The following MMD2 variants were observed in gnomAD, a reference collection of about 807,000 sequenced individuals.
The protein encoded by MMD2 is monocyte to macrophage differentiation factor 2.
Under a neutral mutation model 33.5 loss-of-function variants are expected in MMD2, and 30 were observed. That is an observed-to-expected ratio of 0.90 (90% CI 0.67 to 1.22). The LOEUF (loss-of-function observed/expected upper bound fraction) is 1.22, where lower values mean the gene tolerates loss of function less well. Ranked by LOEUF, MMD2 falls within the 50% of genes most tolerant of loss-of-function variation. The probability of loss-of-function intolerance (pLI) is 0.00; values close to 1 mark genes in which losing one functional copy is unlikely to be tolerated. For missense variants in MMD2, 364 were observed against 325.4 expected (o/e 1.12, Z -0.91); for synonymous variants, 129 against 123.0 (o/e 1.05, Z -0.32).
chr7:4,938,105 G>A (rs6952146), intron 1 of MMD2, among the ~76,000 whole-genome samples: 41,683 of 139,048 alleles, frequency 0.3, 6,018 homozygotes, highest in Admixed American at 0.4. Flanking sequence ...TCCACCTCCC[G>A]GTTCAAGAGA....
chr7:4,919,163 G>C (rs2115101772), intron 3 of MMD2, among the ~76,000 whole-genome samples: 2 of 152,220 alleles, frequency 1.3e-5, no homozygotes, highest in Middle Eastern at 6.8e-3. Flanking sequence ...AGAATTATTA[G>C]AAAGATTAGG....
chr7:4,920,251 C>A lies in MMD2; in HGVS notation c.210G>T (p.Trp70Cys). The change falls in exon 3 of 7, where the codon TGG becomes TGT. Residue 70 changes from tryptophan (W) to cysteine (C), a missense_variant. Physicochemically the swap from Trp to Cys is radical, Grantham distance 215 (BLOSUM62 -2). Transcript: ENST00000401401. ...SDDDWETISA[W>C]IYGLGLCGLF... ...GGCCGCAGAGGCCGAGGCCGTAGAT[C>A]CAGGCAGAGATGGTCTCCCAGTCAT... 6.2e-7 allele frequency: 1 copy of A among 1,601,820 alleles called. No individual in the cohort carries two copies. The highest frequency in any genetic ancestry group is 8.5e-7 in the Non-Finnish European group (1 of 1,174,784).
intron 1 of MMD2, among the ~76,000 whole-genome samples, chr7:4,950,079 T>TTG (rs60203634): frequency 0.029 from 4,407 of 150,064 alleles, 74 homozygotes; most frequent in Non-Finnish European, 0.042. Flanking sequence ...TCACCTTCTT[T>TTG]TGTGTGTGTG....
the MMD2 span, among the ~76,000 whole-genome samples, chr7:4,897,774 A>G: frequency 4.0e-5 from 6 of 151,592 alleles, no homozygotes; most frequent in African/African-American, 1.5e-4. Flanking sequence ...GTCTCACTCT[A>G]TCACCCAGGC....
the MMD2 span, among the ~76,000 whole-genome samples, chr7:4,900,393 G>C: frequency 6.6e-6 from 1 of 152,106 alleles, no homozygotes; most frequent in Non-Finnish European, 1.5e-5. Flanking sequence ...AAAAGGGATG[G>C]TGTGCAGAGA....
intron 2 of MMD2, among the ~76,000 whole-genome samples, chr7:4,924,413 G>T (rs1423721132): frequency 1.3e-5 from 2 of 152,254 alleles, no homozygotes; most frequent in African/African-American, 4.8e-5. Flanking sequence ...CGCTATCTGG[G>T]CACTTCCCTG....
chr7:4,909,904 G>A lies in MMD2; in HGVS notation c.514C>T (p.Pro172Ser). ...LLCYVVMGFF[P>S]ALVILSMPNT... Reference sequence around the variant, plus strand: ...ACCATGGAGAGGATGACCAGGGCGGGGAAGAAGCCCATTACGACGTAGCAG... The same window carrying A: ...ACCATGGAGAGGATGACCAGGGCGGAGAAGAAGCCCATTACGACGTAGCAG... Residue 172 changes from proline (P) to serine (S), a missense_variant, in exon 6 of 7, where the codon CCC becomes TCC. Transcript: ENST00000401401. The A allele has an allele frequency of 6.2e-7, 1 of 1,613,840 alleles. No homozygotes were observed. The highest frequency in any genetic ancestry group is 1.1e-5 in the South Asian group (1 of 91,052).
chr7:4,919,669 T>C (rs1359422264), intron 3 of MMD2, among the ~76,000 whole-genome samples: 1 of 151,926 alleles, frequency 6.6e-6, no homozygotes, highest in Admixed American at 6.6e-5. Flanking sequence ...GTGGACCATC[T>C]GAGGTCAGGA....
intron 1 of MMD2, among the ~76,000 whole-genome samples, chr7:4,956,519 C>T (rs1391244954): frequency 2.6e-5 from 4 of 152,024 alleles, no homozygotes; most frequent in Non-Finnish European, 5.9e-5. Context: ...AGGAAGGGAA[C>T]AGAAATAGAA....
At chr7:4,908,721 A>AC (rs1395753687) in intron 6 of MMD2, among the ~76,000 whole-genome samples, 1 of 151,414 alleles carries the variant, frequency 6.6e-6, no homozygotes, top group African/African-American at 2.4e-5. Flanking sequence ...ACATAGTGAA[A>AC]CCCCATCTCT....
At chr7:4,899,646 T>A in the MMD2 span, among the ~76,000 whole-genome samples, 2 of 152,176 alleles carry the variant, frequency 1.3e-5, no homozygotes, top group Non-Finnish European at 2.9e-5. Context: ...TCCACCTACC[T>A]CTGTCTCCCA....
chr7:4,902,096 G>A (rs536103268), downstream of MMD2, among the ~76,000 whole-genome samples: 3 of 152,190 alleles, frequency 2.0e-5, no homozygotes, highest in South Asian at 4.1e-4. Flanking sequence ...GATTACAGGC[G>A]TGTGCCACCA....
downstream of MMD2, among the ~76,000 whole-genome samples, chr7:4,902,790 C>T (rs1784811615): frequency 6.6e-6 from 1 of 152,226 alleles, no homozygotes; most frequent in African/African-American, 2.4e-5. Context: ...AACCCTTTGA[C>T]CTCTACCTGC....
chr7:4,916,087 G>A lies in MMD2; in HGVS notation c.291-8C>T, dbSNP rs570587965. 83 of 1,613,282 alleles carry A rather than the reference G, an allele frequency of 5.1e-5. No individual in the cohort carries two copies. The African/African-American group carries it at 5.3e-4, about 10-fold the overall frequency. ...AGACAGTGTTCCACCATCCTAGGGC[G>A]GCAGAGAAGCCGGCAGTCACAGCCC... is the stretch of plus-strand genomic sequence containing the variant. On this transcript the variant is annotated splice_polypyrimidine_tract_variant and splice_region_variant and intron_variant, in intron 3 of 6. Coordinates refer to ENST00000401401, the MANE Select transcript of MMD2 (RefSeq NM_198403.4).
chr7:4,902,421 C>T (rs560235486), downstream of MMD2, among the ~76,000 whole-genome samples: 1 of 152,300 alleles, frequency 6.6e-6, no homozygotes, highest in African/African-American at 2.4e-5. Flanking sequence ...GCTGGGTGCC[C>T]TCGGGAAAAT....
intron 2 of MMD2, among the ~76,000 whole-genome samples, chr7:4,924,393 C>A (rs905048238): frequency 1.3e-5 from 2 of 152,238 alleles, no homozygotes; most frequent in Non-Finnish European, 2.9e-5. Context: ...AATTAATTCA[C>A]CTCCACACAC....
rs1357380356 is a variant in MMD2, at chr7:4,916,049, G to T, written c.321C>A (p.Asp107Glu). Residue 107 changes from aspartate (D) to glutamate (E), a missense_variant, in exon 4 of 7, where the codon GAC becomes GAA. Physicochemically the swap from Asp to Glu is conservative, Grantham distance 45. Coordinates refer to ENST00000401401, the MANE Select transcript of MMD2 (RefSeq NM_198403.4). ...RMVEHCLHMF[D>E]RMVIYFFIAA... is the part of the protein sequence containing the mutation. ...CTATGAAGAAATAGATGACCATCCG[G>T]TCGAACATGTGTAGACAGTGTTCCA... 1.2e-6 allele frequency: 2 copies of T among 1,613,886 alleles called. No homozygotes were observed. The highest frequency in any genetic ancestry group is 1.7e-5 in the Admixed American group (1 of 60,022).
chr7:4,942,245 G>A (rs977834794), intron 1 of MMD2, among the ~76,000 whole-genome samples: 2 of 149,580 alleles, frequency 1.3e-5, no homozygotes. Flanking sequence ...GAGCCACCAT[G>A]CCTGGTCTTA....
At chr7:4,942,249 G>A (rs1297534707) in intron 1 of MMD2, among the ~76,000 whole-genome samples, 2 of 150,622 alleles carry the variant, frequency 1.3e-5, no homozygotes, top group East Asian at 2.0e-4. Context: ...CACCATGCCT[G>A]GTCTTATTTT....
Sources: gnomAD v4.1 joint callset for allele counts (sites outside exome capture counted in the v4.1 genomes callset) on GRCh38, gnomAD v4.1.1 for gene constraint, MANE v1.5 for transcripts, NCBI Gene and HGNC (gene_info 2026-07-23, HGNC 2026-07-21) for gene names.